RNF144B: variants seen among roughly 807,000 people sequenced by gnomAD.
RNF144B encodes the protein E3 ubiquitin-protein ligase RNF144B.
In RNF144B, 25 loss-of-function variants were observed where a neutral mutation model predicts 40.2. The observed-to-expected ratio is 0.62, with a 90% confidence interval of 0.45 to 0.87. RNF144B has a LOEUF of 0.87. Among genes scored for constraint, RNF144B ranks in the 40% least tolerant of loss-of-function variants. The pLI is 0.00. For missense variants in RNF144B, 365 were observed against 373.7 expected (o/e 0.98, Z 0.19); for synonymous variants, 145 against 136.3 (o/e 1.06, Z -0.44).
In RNF144B at chr6:18,425,058, T is replaced by G. The variant is rs915854287; in HGVS notation, c.166-2523T>G. Among the ~76,000 whole-genome samples the G allele has an allele frequency of 6.0e-5, 7 of 116,902 alleles. No individual in the cohort carries two copies. The highest frequency in any genetic ancestry group is 2.4e-4 in the South Asian group (1 of 4,152). 76.7% of individuals were successfully genotyped at this position (116,902 alleles called of 152,430 possible). Reference sequence around the variant, plus strand: ...TCACGTGTATGTGTGTATGTGTGGGTGTGTGTGTGTGTGTGTTAAAACCTG... The same window carrying G: ...TCACGTGTATGTGTGTATGTGTGGGGGTGTGTGTGTGTGTGTTAAAACCTG... On this transcript the variant is annotated intron_variant, in intron 2 of 7. Transcript: ENST00000259939. This position sits in a 1 kb window ranked among gnomAD's most constrained non-coding sequence, Gnocchi z 4.2.
At position 18,457,374 on chromosome 6, in the gene RNF144B, T is replaced by G. The variant is rs1412614157; in HGVS notation, c.536+15T>G. The G allele has an allele frequency of 6.3e-7, 1 of 1,598,124 alleles. No homozygotes were observed. Among genetic ancestry groups the G allele is most frequent in the Non-Finnish European group, 8.6e-7 (1 of 1,165,522 alleles). On this transcript the variant is annotated intron_variant, in intron 5 of 7. Transcript: ENST00000259939. The surrounding 1 kb of genome is among the most constrained non-coding windows in gnomAD (Gnocchi z 5.1). ...ACAGAGCACCGGTAAGAAAGGAAACTTTGTCTTTGGGATTATTCACTAGTT... is the reference window on the plus strand; with the variant it reads ...ACAGAGCACCGGTAAGAAAGGAAACGTTGTCTTTGGGATTATTCACTAGTT...
At chr6:18,433,563 G>C (rs537149599) in intron 3 of RNF144B, among the ~76,000 whole-genome samples, 2 of 152,250 alleles carry the variant, frequency 1.3e-5, no homozygotes, top group East Asian at 3.9e-4. Flanking sequence ...CTGAGTGGAG[G>C]GAGAAAAGAC....
In RNF144B at chr6:18,419,424, G is replaced by A. The variant is rs896110114; in HGVS notation, c.166-8157G>A. 3.3e-5 allele frequency among the ~76,000 whole-genome samples: 5 copies of A among 152,244 alleles called. No homozygotes were observed. The highest frequency in any genetic ancestry group is 1.9e-4 in the East Asian group (1 of 5,176). On this transcript the variant is annotated intron_variant, in intron 2 of 7. Transcript: ENST00000259939. The surrounding 1 kb of genome is among the most constrained non-coding windows in gnomAD (Gnocchi z 4.6). ...ACTGGTTCTATATAGCAAATGAGGC[G>A]ACCCAGGAAGAAAGTGTAGAAAGAA...
rs1759551656 is a variant in RNF144B, at chr6:18,465,245, T to C, written c.*178T>C. 6.4e-6 allele frequency: 4 copies of C among 622,264 alleles called. No individual in the cohort carries two copies. The highest frequency in any genetic ancestry group is 1.1e-5 in the Non-Finnish European group (4 of 352,468). The allele number at this position is 622,264 out of a possible 1,614,324, so 38.5% of individuals were successfully genotyped here. ...GGAAAGGCCAAGTCCTGGGTGTGAG[T>C]GTTCCTGTGTAACAAGAACTGGGCT... On this transcript the variant is annotated 3_prime_UTR_variant, in exon 8 of 8. Coordinates refer to ENST00000259939, the MANE Select transcript of RNF144B (RefSeq NM_182757.4).
At chr6:18,396,160 G>A (rs1032791054) in intron 1 of RNF144B, among the ~76,000 whole-genome samples, 4 of 152,136 alleles carry the variant, frequency 2.6e-5, no homozygotes, top group South Asian at 2.1e-4. Context: ...AAAAACTTAC[G>A]TACTGTTTAT....
At chr6:18,430,661 T>C (rs1276843387) in intron 3 of RNF144B, among the ~76,000 whole-genome samples, 5 of 151,812 alleles carry the variant, frequency 3.3e-5, no homozygotes, top group Non-Finnish European at 7.4e-5. Context: ...TTTTTAATTT[T>C]TTTTTTTTTT....
rs1794686228 is a variant in RNF144B at position 18,395,973 on chromosome 6, CT to C, written c.-36-3520del. Among the ~76,000 whole-genome samples, 1 of 152,158 alleles carries C rather than the reference CT, an allele frequency of 6.6e-6. No individual in the cohort carries two copies. Among genetic ancestry groups the C allele is most frequent in the Non-Finnish European group, 1.5e-5 (1 of 68,034 alleles). On this transcript the variant is annotated intron_variant, in intron 1 of 7. Transcript: ENST00000259939. This position sits in a 1 kb window ranked among gnomAD's most constrained non-coding sequence, Gnocchi z 4.5. ...CATCTCAAGGAGATGAAATATGTAA[CT>C]TTTTTCCTCTATGTCACTGAGTCAT...
In RNF144B at chr6:18,448,304, G is replaced by C. The variant is rs1479575262; in HGVS notation, c.331+8560G>C. Among the ~76,000 whole-genome samples, 3 of 151,950 alleles carry C rather than the reference G, an allele frequency of 2.0e-5. No individual in the cohort carries two copies. The highest frequency in any genetic ancestry group is 2.0e-4 in the Admixed American group (3 of 15,234). On this transcript the variant is annotated intron_variant, in intron 4 of 7. Transcript: ENST00000259939. This position sits in a 1 kb window ranked among gnomAD's most constrained non-coding sequence, Gnocchi z 4.0. ...GATGGAGGGATTGGATTTACTTGGG[G>C]GTAGGTTTAGGTCATCTCTATCAGG...
At chr6:18,401,425 G>A (rs1000939617) in intron 2 of RNF144B, among the ~76,000 whole-genome samples, 1 of 152,184 alleles carries the variant, frequency 6.6e-6, no homozygotes, top group East Asian at 1.9e-4. Context: ...AGAGTCAAAT[G>A]GCTGAATGTT....
rs1582395015 is a variant in RNF144B at position 18,392,634 on chromosome 6, A to G, written c.-37+5004A>G. Among the ~76,000 whole-genome samples the G allele has an allele frequency of 2.0e-5, 3 of 152,274 alleles. No homozygotes were observed. In the Middle Eastern group the frequency reaches 0.01, roughly 518 times the overall value. ...TATAGACTAAATAAAGTGCTTTTTG[A>G]GCACTTTAAGCCATGAAACAGTGGC... On this transcript the variant is annotated intron_variant, in intron 1 of 7. Transcript: ENST00000259939.
At chr6:18,437,013 T>C (rs1303983803) in intron 3 of RNF144B, among the ~76,000 whole-genome samples, 1 of 150,512 alleles carries the variant, frequency 6.6e-6, no homozygotes, top group Non-Finnish European at 1.5e-5. Flanking sequence ...GGGTAGATCT[T>C]TTGTAAATCT....
intron 2 of RNF144B, among the ~76,000 whole-genome samples, chr6:18,411,493 ATATATTTT>A (rs1292298775): frequency 2.2e-3 from 51 of 22,922 alleles, no homozygotes; most frequent in Non-Finnish European, 3.1e-3. Flanking sequence ...ATATATATAT[ATATATTTT>A]TTTTTTTTTT....
rs76269582 is a variant in RNF144B at position 18,434,251 on chromosome 6, A to G, written c.271-5433A>G. Among the ~76,000 whole-genome samples the G allele has an allele frequency of 0.015, 2,262 of 152,284 alleles. 24 individuals are homozygous for G. The highest frequency in any genetic ancestry group is 0.054 in the Middle Eastern group (16 of 294). ...CTTTTTTTCTTAACTAAAAAGCAAT[A>G]TACATTGTATTTATTAACACTTCAT... On this transcript the variant is annotated intron_variant, in intron 3 of 7. Transcript: ENST00000259939. The surrounding 1 kb of genome is among the most constrained non-coding windows in gnomAD (Gnocchi z 4.1).
Position 18,439,667 on chromosome 6 carries a change from T to TAA in RNF144B, c.271-16_271-15insAA, listed in dbSNP as rs1562053375. 2 of 1,602,972 alleles carry TAA rather than the reference T, an allele frequency of 1.2e-6. No individual in the cohort carries two copies. On this transcript the variant is annotated splice_polypyrimidine_tract_variant and intron_variant, in intron 3 of 7. Transcript: ENST00000259939. ...TATGATGACTGAAGTCTCAACCTTTTATGTCTCTGGTTTCAGATTGCCTGT... is the reference window on the plus strand; with the variant it reads ...TATGATGACTGAAGTCTCAACCTTTTAAATGTCTCTGGTTTCAGATTGCCTGT...
rs140710411 is a variant in RNF144B at position 18,387,537 on chromosome 6, CTCCTG to C, written c.-126_-122del. The C allele has an allele frequency of 0.23, 305,058 of 1,324,762 alleles. 36,351 individuals carry two copies. Among genetic ancestry groups the C allele is most frequent in the South Asian group, 0.34 (28,400 of 83,700 alleles). 82.1% of individuals were successfully genotyped at this position (1,324,762 alleles called of 1,614,324 possible). A position where few individuals can be genotyped will look rare whatever the true frequency, so the allele number is the denominator to read the frequency against. On this transcript the variant is annotated 5_prime_UTR_variant, in exon 1 of 8. An upstream open reading frame in the 5' UTR gains an earlier in-frame stop. Coordinates refer to ENST00000259939, the MANE Select transcript of RNF144B (RefSeq NM_182757.4). ...AGGAAAGACGGAGAGAATGGAAGAG[CTCCTG>C]TCCGGTGTGCCAGCAGCCCGGACTG... is the stretch of plus-strand genomic sequence containing the variant.
chr6:18,453,588 T>C (rs55996908), intron 4 of RNF144B, among the ~76,000 whole-genome samples: 261 of 152,350 alleles, frequency 1.7e-3, no homozygotes, highest in African/African-American at 5.8e-3. Context: ...AGAAACCTTA[T>C]AGACATGGCA....
Position 18,460,815 on chromosome 6 carries a change from A to G in RNF144B, c.681+1064A>G, listed in dbSNP as rs1759435119. On this transcript the variant is annotated intron_variant, in intron 6 of 7. Coordinates refer to ENST00000259939, the MANE Select transcript of RNF144B (RefSeq NM_182757.4). The surrounding 1 kb of genome is among the most constrained non-coding windows in gnomAD (Gnocchi z 4.4). ...ACTTCAGAGTTAAAAATGCGATGCA[A>G]AGAGTTGGTGAGAAGGTCTTACTTC... Among the ~76,000 whole-genome samples the G allele has an allele frequency of 6.6e-6, 1 of 152,206 alleles. No homozygotes were observed. Among genetic ancestry groups the G allele is most frequent in the Admixed American group, 6.5e-5 (1 of 15,282 alleles).
chr6:18,400,462 T>C lies in RNF144B; in HGVS notation c.165+763T>C, dbSNP rs990503252. Reference sequence around the variant, plus strand: ...TTTGTCATAGCTCCTTTTATGCTGTTTTCACAGTATGCTGAATCCTTCTTA... The same window carrying C: ...TTTGTCATAGCTCCTTTTATGCTGTCTTCACAGTATGCTGAATCCTTCTTA... On this transcript the variant is annotated intron_variant, in intron 2 of 7. Transcript: ENST00000259939. This position sits in a 1 kb window ranked among gnomAD's most constrained non-coding sequence, Gnocchi z 5.6. Among the ~76,000 whole-genome samples, 3 of 152,166 alleles carry C rather than the reference T, an allele frequency of 2.0e-5. No homozygotes were observed. Among genetic ancestry groups the C allele is most frequent in the Non-Finnish European group, 2.9e-5 (2 of 68,022 alleles).
intron 2 of RNF144B, among the ~76,000 whole-genome samples, chr6:18,408,109 T>C (rs561445338): frequency 1.1e-4 from 16 of 151,766 alleles, no homozygotes; most frequent in African/African-American, 3.9e-4. Context: ...CTTAGCCTCC[T>C]GAGTAGCTGG....
Sources: allele counts gnomAD v4.1 joint callset (sites outside exome capture counted in the v4.1 genomes callset), GRCh38; gene constraint gnomAD v4.1.1; non-coding constraint Gnocchi (gnomAD v3.1); transcripts MANE v1.5; gene names NCBI Gene and HGNC (gene_info 2026-07-23, HGNC 2026-07-21).